NTM: variants seen among roughly 807,000 people sequenced by gnomAD.
The protein encoded by NTM is IgLON family member 2.
In NTM, 13 loss-of-function variants were observed where a neutral mutation model predicts 42.1. The observed-to-expected ratio is 0.31, with a 90% confidence interval of 0.20 to 0.49. NTM has a LOEUF of 0.49. Ranked by LOEUF, NTM falls within the 20% of genes least tolerant of loss-of-function variation. The pLI is 0.99. For missense variants in NTM, 373 were observed against 452.8 expected (o/e 0.82, Z 1.60); for synonymous variants, 187 against 179.2 (o/e 1.04, Z -0.35).
chr11:131,529,403 C>A (rs886585448), intron 1 of NTM, among the ~76,000 whole-genome samples: 4 of 152,154 alleles, frequency 2.6e-5, no homozygotes, highest in South Asian at 4.1e-4. Flanking sequence ...CAACTTTGAA[C>A]CTTGAGGGAA....
chr11:132,216,710 T>C (rs530791031), intron 4 of NTM, among the ~76,000 whole-genome samples: 1 of 152,300 alleles, frequency 6.6e-6, no homozygotes, highest in Admixed American at 6.5e-5. Flanking sequence ...CTAGGAAGTG[T>C]TTAATAAATA....
chr11:131,990,744 A>G (rs2066871749), intron 2 of NTM, among the ~76,000 whole-genome samples: 1 of 152,200 alleles, frequency 6.6e-6, no homozygotes, highest in Non-Finnish European at 1.5e-5. Context: ...TGCAAGTGCA[A>G]AATTTGCTAT....
chr11:132,047,383 A>T (rs2078167333), intron 2 of NTM, among the ~76,000 whole-genome samples: 1 of 152,186 alleles, frequency 6.6e-6, no homozygotes, highest in African/African-American at 2.4e-5. Context: ...TTGAGGTCAA[A>T]TTTCAAGCAA....
chr11:132,074,267 G>C (rs2136200353), intron 2 of NTM, among the ~76,000 whole-genome samples: 1 of 152,294 alleles, frequency 6.6e-6, no homozygotes, highest in East Asian at 1.9e-4. Flanking sequence ...TTGCTTGTGA[G>C]GGATTTGGCT....
Position 131,387,987 on chromosome 11 carries a change from C to T in NTM, c.82+17099C>T, listed in dbSNP as rs557177819. Among the ~76,000 whole-genome samples, 139 of 152,288 alleles carry T rather than the reference C, an allele frequency of 9.1e-4. 1 individual carries two copies. In the Middle Eastern group the frequency reaches 0.014, roughly 15 times the overall value. ...GGTCTCCAAATCAGAAAGTATGGGGCCAGACCCCAGCAATCTGTGTGTCAA... is the reference window on the plus strand; with the variant it reads ...GGTCTCCAAATCAGAAAGTATGGGGTCAGACCCCAGCAATCTGTGTGTCAA... On this transcript the variant is annotated intron_variant, in intron 1 of 8. Coordinates refer to ENST00000683400, the MANE Select transcript of NTM (RefSeq NM_001352005.2).
chr11:131,757,983 C>T (rs1344532375), intron 1 of NTM, among the ~76,000 whole-genome samples: 4 of 152,170 alleles, frequency 2.6e-5, no homozygotes. Context: ...AAATTTTCAA[C>T]AGAACTCCAT....
chr11:131,751,909 T>C (rs1442521211), intron 1 of NTM, among the ~76,000 whole-genome samples: 2 of 152,194 alleles, frequency 1.3e-5, no homozygotes, highest in Non-Finnish European at 2.9e-5. Flanking sequence ...TGACTTGCCA[T>C]TTTAGACTCA....
intron 3 of NTM, among the ~76,000 whole-genome samples, chr11:132,200,620 G>C (rs982502702): frequency 1.3e-5 from 2 of 152,198 alleles, no homozygotes; most frequent in Non-Finnish European, 2.9e-5. Flanking sequence ...TTAAAGTGCC[G>C]ATGACGCCAT....
chr11:131,931,412 C>T (rs913821188), intron 2 of NTM, among the ~76,000 whole-genome samples: 5 of 151,146 alleles, frequency 3.3e-5, no homozygotes, highest in Non-Finnish European at 5.9e-5. Flanking sequence ...GCAGTCCAGC[C>T]TGGGCTACAG....
intron 2 of NTM, among the ~76,000 whole-genome samples, chr11:132,069,270 A>G (rs2057021922): frequency 6.7e-6 from 1 of 150,224 alleles, no homozygotes; most frequent in Non-Finnish European, 1.5e-5. Flanking sequence ...ATCACAGATT[A>G]GTTAACACGT....
intron 4 of NTM, among the ~76,000 whole-genome samples, chr11:132,238,261 A>AGAT (rs2089471826): frequency 6.6e-6 from 1 of 152,128 alleles, no homozygotes; most frequent in South Asian, 2.1e-4. Context: ...CCCCGCCCAG[A>AGAT]GATGTGTGCA....
At chr11:132,319,808 G>T (rs1006660837) in intron 7 of NTM, among the ~76,000 whole-genome samples, 1 of 152,242 alleles carries the variant, frequency 6.6e-6, no homozygotes, top group Admixed American at 6.5e-5. Flanking sequence ...CTGAGAACAG[G>T]CAGACTGCCT....
intron 2 of NTM, among the ~76,000 whole-genome samples, chr11:132,048,111 T>G (rs1043027096): frequency 6.6e-6 from 1 of 152,152 alleles, no homozygotes; most frequent in Non-Finnish European, 1.5e-5. Flanking sequence ...GACCATTCCT[T>G]TTTTATGTGT....
At chr11:132,079,756 A>T (rs2058797153) in intron 2 of NTM, among the ~76,000 whole-genome samples, 1 of 152,220 alleles carries the variant, frequency 6.6e-6, no homozygotes, top group Non-Finnish European at 1.5e-5. Context: ...TCTGTCCAGT[A>T]TGAAGTAGGA....
At chr11:131,807,856 G>A (rs912219863) in intron 1 of NTM, among the ~76,000 whole-genome samples, 1 of 152,154 alleles carries the variant, frequency 6.6e-6, no homozygotes, top group Non-Finnish European at 1.5e-5. Context: ...GACTACGACT[G>A]GAGTCTTCAG....
intron 1 of NTM, among the ~76,000 whole-genome samples, chr11:131,551,026 A>G (rs1478008355): frequency 6.6e-6 from 1 of 152,026 alleles, no homozygotes; most frequent in East Asian, 1.9e-4. Flanking sequence ...TTTAAGTTGT[A>G]TTTTATGTTA....
chr11:131,382,710 G>C (rs188928844), intron 1 of NTM, among the ~76,000 whole-genome samples: 1 of 152,032 alleles, frequency 6.6e-6, no homozygotes, highest in South Asian at 2.1e-4. Flanking sequence ...TGTGATCATC[G>C]CATGGCACAG....
chr11:132,083,167 A>C (rs1194370545), intron 2 of NTM, among the ~76,000 whole-genome samples: 1 of 152,190 alleles, frequency 6.6e-6, no homozygotes, highest in Non-Finnish European at 1.5e-5. Flanking sequence ...GCCAGACATC[A>C]CTGTTTACTT....
At chr11:131,422,128 G>C (rs565338116) in intron 1 of NTM, among the ~76,000 whole-genome samples, 1 of 152,326 alleles carries the variant, frequency 6.6e-6, no homozygotes, top group East Asian at 1.9e-4. Context: ...GGAAGGGAAG[G>C]GGTGTGGTTT....
Sources: gnomAD v4.1 joint callset for allele counts (sites outside exome capture counted in the v4.1 genomes callset) on GRCh38, gnomAD v4.1.1 for gene constraint, MANE v1.5 for transcripts, NCBI Gene and HGNC (gene_info 2026-07-23, HGNC 2026-07-21) for gene names.